MYH2: variants seen among roughly 807,000 people sequenced by gnomAD.
The protein encoded by MYH2 is myosin heavy chain 2, also known as myosin-2.
Under a neutral mutation model 228.1 loss-of-function variants are expected in MYH2, and 139 were observed. The observed-to-expected ratio is 0.61, with a 90% CI of 0.53 to 0.70. MYH2 has a LOEUF of 0.70. Among genes scored for constraint, MYH2 ranks in the 30% least tolerant of loss-of-function variants. The pLI is 0.00. For synonymous variants in MYH2, 796 were observed against 871.1 expected, an observed-to-expected ratio of 0.91 and a Z score of 1.52; for missense variants, 1,809 against 2,357.5, an observed-to-expected ratio of 0.77 and a Z score of 4.82.
At chr17:10,544,938 G>A (rs540490059) in intron 5 of MYH2, among the ~76,000 whole-genome samples, 80 of 152,274 alleles carry the variant, frequency 5.3e-4, no homozygotes, top group African/African-American at 1.9e-3. Context: ...TGAAACTACA[G>A]AGACAAGTTT....
intron 39 of MYH2, among the ~76,000 whole-genome samples, chr17:10,522,209 A>G (rs1398509992): frequency 6.6e-6 from 1 of 152,192 alleles, no homozygotes; most frequent in Non-Finnish European, 1.5e-5. Flanking sequence ...ATTTTGAAAG[A>G]CCTATCTGGA....
In MYH2 at chr17:10,547,735, C is replaced by T; in HGVS notation, c.186G>A (p.Val62=). ...IQSREGGKVT[V]KTEGGATLTV... is the part of the protein sequence containing the mutation. ...TACTCACCGCTCCTCCCTCAGTCTT[C>T]ACCGTCACTTTTCCTCCTTCTCTGC... Residue 62 remains valine, a synonymous_variant, in exon 3 of 40, where the codon GTG becomes GTA. Transcript: ENST00000245503. 6.2e-7 allele frequency: 1 copy of T among 1,614,238 alleles called. No homozygotes were observed. The highest frequency in any genetic ancestry group is 8.5e-7 in the Non-Finnish European group (1 of 1,180,036).
chr17:10,536,794 G>A (rs931252873), intron 16 of MYH2, among the ~76,000 whole-genome samples, 188 bp from the exon 17 acceptor site: 9 of 152,178 alleles, frequency 5.9e-5, no homozygotes, highest in Non-Finnish European at 1.0e-4. Context: ...TCTCCAGTGG[G>A]AAATGAGGCC....
At position 10,535,326 on chromosome 17, in the gene MYH2, G is replaced by A; in HGVS notation, c.2014C>T (p.His672Tyr). The change falls in exon 18 of 40, where the codon CAT becomes TAT. Residue 672 changes from histidine (H) to tyrosine (Y), a missense_variant. Coordinates refer to ENST00000245503, the MANE Select transcript of MYH2 (RefSeq NM_017534.6). Reference sequence around the variant, plus strand: ...ATGATACACCTCACAAAGTGAGGATGGGTACTCCTGAGGTTGGTCATCAGC... The same window carrying A: ...ATGATACACCTCACAAAGTGAGGATAGGTACTCCTGAGGTTGGTCATCAGC... ...NKLMTNLRST[H>Y]PHFVRCIIPN... The A allele has an allele frequency of 1.2e-6, 2 of 1,614,184 alleles. No homozygotes were observed. Among genetic ancestry groups the A allele is most frequent in the African/African-American group, 1.3e-5 (1 of 75,062 alleles).
intron 21 of MYH2, among the ~76,000 whole-genome samples, chr17:10,532,550 A>G (rs901683262): frequency 2.0e-4 from 30 of 152,206 alleles, no homozygotes; most frequent in African/African-American, 7.2e-4. Context: ...TTTTTAATAA[A>G]ATGGAATATA....
At chr17:10,527,956 C>T (rs2073374357) in intron 27 of MYH2, 82 bp from the exon 28 acceptor site, 1 of 1,504,766 alleles carries the variant, frequency 6.6e-7, no homozygotes, top group Non-Finnish European at 9.1e-7. Context: ...TAACTTCTCC[C>T]CAAAATAAAA....
Position 10,525,701 on chromosome 17 carries a change from A to G in MYH2, c.4363T>C (p.Phe1455Leu). Reference sequence around the variant, plus strand: ...GATGCTGGAGGAATTACCTTATCGAAGTTCCTTTGCTTTTTGTCAAGGGCG... The same window carrying G: ...GATGCTGGAGGAATTACCTTATCGAGGTTCCTTTGCTTTTTGTCAAGGGCG... ...CAALDKKQRN[F>L]DKILAEWKQK... The change falls in exon 31 of 40, where the codon TTC becomes CTC. Residue 1455 changes from phenylalanine (F) to leucine (L), a missense_variant. This residue lies in a region of MYH2 where 636 missense variants were observed against 729.9 expected (regional missense o/e 0.87). Transcript: ENST00000245503. The surrounding 1 kb of genome is among the most constrained non-coding windows in gnomAD (Gnocchi z 4.2). 6.2e-7 allele frequency: 1 copy of G among 1,614,154 alleles called. No homozygotes were observed. Among genetic ancestry groups the G allele is most frequent in the Non-Finnish European group, 8.5e-7 (1 of 1,180,026 alleles).
chr17:10,521,165 C>T lies in MYH2; in HGVS notation c.*115G>A, dbSNP rs926794465. 2.3e-6 allele frequency: 3 copies of T among 1,284,896 alleles called. No homozygotes were observed. The highest frequency in any genetic ancestry group is 3.4e-6 in the Non-Finnish European group (3 of 886,810). 79.6% of individuals were successfully genotyped at this position (1,284,896 alleles called of 1,614,324 possible). A position where few individuals can be genotyped will look rare whatever the true frequency, so the allele number is the denominator to read the frequency against. ...TCTAAGGATATTGTTTGCAAACTAC[C>T]CTATGCTTTATTTCCTTTGCAACAG... On this transcript the variant is annotated 3_prime_UTR_variant, in exon 40 of 40. Transcript: ENST00000245503.
At chr17:10,536,382 A>G (rs2073482192) in intron 17 of MYH2, 148 bp downstream of exon 17, 4 of 627,596 alleles carry the variant, frequency 6.4e-6, no homozygotes, top group African/African-American at 3.7e-5. Flanking sequence ...AAAGCATATT[A>G]CAAAGTAATT....
Position 10,526,868 on chromosome 17 carries a change from A to C in MYH2, c.3990+70T>G, listed in dbSNP as rs1206775635. 3.1e-6 allele frequency: 5 copies of C among 1,613,804 alleles called. No homozygotes were observed. In the East Asian group the frequency reaches 1.1e-4, roughly 36 times the overall value. ...ACTCTTAACTTTCAAAACCTTTTGA[A>C]AGCTGGTATAACAGGCTCCATGTAG... is the stretch of plus-strand genomic sequence containing the variant. On this transcript the variant is annotated intron_variant, in intron 29 of 39. Coordinates refer to ENST00000245503, the MANE Select transcript of MYH2 (RefSeq NM_017534.6).
chr17:10,525,220 G>C lies in MYH2; in HGVS notation c.4662+4C>G. 1 of 1,614,012 alleles carries C rather than the reference G, an allele frequency of 6.2e-7. No individual in the cohort carries two copies. The stretch of plus-strand genomic sequence containing the variant: ...TTTTTTATAATGCACAATTTTACAT[G>C]TACCTCTGCTTCTTCTAAAGCAGCC... On this transcript the variant is annotated splice_donor_region_variant and intron_variant, in intron 33 of 39. Coordinates refer to ENST00000245503, the MANE Select transcript of MYH2 (RefSeq NM_017534.6). The surrounding 1 kb of genome is among the most constrained non-coding windows in gnomAD (Gnocchi z 4.2).
intron 27 of MYH2, among the ~76,000 whole-genome samples, 163 bp from the exon 28 acceptor site, chr17:10,528,037 T>TTC (rs1206260366): frequency 2.2e-5 from 3 of 135,728 alleles, no homozygotes; most frequent in Non-Finnish European, 4.8e-5. Flanking sequence ...AGAAAAATTT[T>TTC]TCTTTCTTTC....
chr17:10,539,727 T>A (rs867891755), intron 12 of MYH2, among the ~76,000 whole-genome samples, 165 bp from the exon 13 acceptor site: 8 of 152,264 alleles, frequency 5.3e-5, no homozygotes, highest in Middle Eastern at 3.4e-3. Context: ...TATGGGGTAG[T>A]TTGCCCTAAA....
At chr17:10,535,700 T>G (rs2073475177) in intron 17 of MYH2, among the ~76,000 whole-genome samples, 1 of 152,186 alleles carries the variant, frequency 6.6e-6, no homozygotes, top group Non-Finnish European at 1.5e-5. Context: ...TGATCGCTCT[T>G]TCTTCTACCA....
chr17:10,531,573 G>A, intron 22 of MYH2, 60 bp downstream of exon 22: 3 of 1,612,718 alleles, frequency 1.9e-6, no homozygotes, highest in African/African-American at 1.3e-5. Context: ...GGCCCACAAT[G>A]GCCAAAGTTC....
chr17:10,523,625 G>A lies in MYH2; in HGVS notation c.5343C>T (p.Thr1781=), dbSNP rs529144757. The A allele has an allele frequency of 6.2e-7, 1 of 1,614,168 alleles. No individual in the cohort carries two copies. Among genetic ancestry groups the A allele is most frequent in the Non-Finnish European group, 8.5e-7 (1 of 1,180,032 alleles). The change falls in exon 37 of 40, where the codon ACC becomes ACT. Residue 1781 remains threonine (T), a synonymous_variant. Coordinates refer to ENST00000245503, the MANE Select transcript of MYH2 (RefSeq NM_017534.6). ...TCTTCATCCGCTCCAGGTGGGCGCT[G>A]GTGTCCTGCTCCTTCTTCAGCTCCT... ...MAEELKKEQD[T]SAHLERMKKN...
In MYH2 at chr17:10,529,478, C is replaced by T; in HGVS notation, c.3121G>A (p.Glu1041Lys). 6.2e-7 allele frequency: 1 copy of T among 1,614,190 alleles called. No individual in the cohort carries two copies. The change falls in exon 25 of 40, where the codon GAA (glutamate) becomes AAA (lysine). Residue 1041 changes from glutamate (E) to lysine (K), a missense_variant. This residue lies in a region of MYH2 where 636 missense variants were observed against 729.9 expected (regional missense o/e 0.87). Transcript: ENST00000245503. ...IKLEQQVDDL[E>K]GSLEQEKKLR... ...TTCTTTTCTTGCTCCAAGGACCCTTCAAGCTAAATATAAATTATGTTGAAT... is the reference window on the plus strand; with the variant it reads ...TTCTTTTCTTGCTCCAAGGACCCTTTAAGCTAAATATAAATTATGTTGAAT...
Position 10,543,991 on chromosome 17 carries a change from C to G in MYH2, c.559G>C (p.Val187Leu). The change falls in exon 7 of 40, where the codon GTG becomes CTG. Residue 187 changes from valine to leucine, a missense_variant. This residue lies in a region of MYH2 where 373 missense variants were observed against 620.4 expected (regional missense o/e 0.60). Transcript: ENST00000245503. The stretch of plus-strand genomic sequence containing the variant: ...TACTGGATGACACGCTTGGTGTTCA[C>G]AGTCTTCCCTGCACCAGATTCTCCA... ...ITGESGAGKT[V>L]NTKRVIQYFA... 1.2e-6 allele frequency: 2 copies of G among 1,614,224 alleles called. No individual in the cohort carries two copies. Among genetic ancestry groups the G allele is most frequent in the Non-Finnish European group, 1.7e-6 (2 of 1,180,024 alleles).
chr17:10,542,848 C>A, intron 10 of MYH2, 27 bp downstream of exon 10: 1 of 1,504,016 alleles, frequency 6.6e-7, no homozygotes, highest in Non-Finnish European at 9.2e-7. Flanking sequence ...TGCAGTAATT[C>A]TGGAAAAGAA....
Sources: gnomAD v4.1 joint callset for allele counts (sites outside exome capture counted in the v4.1 genomes callset) on GRCh38, gnomAD v4.1.1 for gene constraint, gnomAD v4.1.1 regional missense constraint, Gnocchi (gnomAD v3.1) non-coding constraint, MANE v1.5 for transcripts, NCBI Gene and HGNC (gene_info 2026-07-23, HGNC 2026-07-21) for gene names.